Variants in NDST4 observed in about 807,000 individuals in gnomAD.
NDST4 encodes N-heparan sulfate sulfotransferase 4.
In NDST4, 63 loss-of-function variants were observed where a neutral mutation model predicts 100.8. That is an observed-to-expected ratio of 0.62 (90% CI 0.51 to 0.77). The LOEUF is 0.77. NDST4 is among the 30% of genes least tolerant of loss of function. NDST4 has a pLI of 0.00. For synonymous variants in NDST4, 377 were observed against 361.8 expected, an observed-to-expected ratio of 1.04 and a Z score of -0.48; for missense variants, 943 against 1,018.4, an observed-to-expected ratio of 0.93 and a Z score of 1.01.
rs1728519841 is a variant in NDST4, at chr4:115,048,802, TA to T, written c.978+27256del. Among the ~76,000 whole-genome samples the T allele has an allele frequency of 2.0e-5, 3 of 151,982 alleles. 1 individual carries two copies. Among genetic ancestry groups the T allele is most frequent in the Non-Finnish European group, 2.9e-5 (2 of 67,986 alleles). ...ACAGGAAAGTGCCACTGCACCCGGC[TA>T]ATTTTTTGTATTTTTAGTAGAGACG... On this transcript the variant is annotated intron_variant, in intron 2 of 13. Coordinates refer to ENST00000264363, the MANE Select transcript of NDST4 (RefSeq NM_022569.3).
chr4:114,970,175 G>A (rs1726478328), intron 4 of NDST4, among the ~76,000 whole-genome samples: 1 of 147,660 alleles, frequency 6.8e-6, no homozygotes, highest in African/African-American at 2.7e-5. Flanking sequence ...TCGTAAAATA[G>A]GAGTTGAAAG....
intron 2 of NDST4, among the ~76,000 whole-genome samples, chr4:115,025,987 A>G (rs1179199468): frequency 6.6e-6 from 1 of 152,104 alleles, no homozygotes; most frequent in East Asian, 1.9e-4. Flanking sequence ...AACTAGTATT[A>G]TAGTCCTAAA....
intron 6 of NDST4, among the ~76,000 whole-genome samples, chr4:114,886,976 T>G (rs1724493044): frequency 6.6e-6 from 1 of 152,178 alleles, no homozygotes; most frequent in South Asian, 2.1e-4. Context: ...AGTGAATATG[T>G]GGAATTATCT....
chr4:114,873,458 A>G (rs1259586303), intron 6 of NDST4, among the ~76,000 whole-genome samples: 1 of 151,878 alleles, frequency 6.6e-6, no homozygotes, highest in East Asian at 1.9e-4. Flanking sequence ...TATGAAGCTC[A>G]AGTAAAATCA....
intron 1 of NDST4, among the ~76,000 whole-genome samples, chr4:115,095,920 T>G (rs1211785066): frequency 1.3e-5 from 2 of 152,082 alleles, no homozygotes; most frequent in Non-Finnish European, 2.9e-5. Context: ...CTATTTCTTT[T>G]GCTCACTTCA....
chr4:114,905,753 T>C (rs1724936067), intron 6 of NDST4, among the ~76,000 whole-genome samples: 1 of 152,032 alleles, frequency 6.6e-6, no homozygotes, highest in Non-Finnish European at 1.5e-5. Context: ...GTTGGAATAC[T>C]GTTCTTTTTC....
At chr4:115,110,083 G>T (rs777804812) in intron 1 of NDST4, among the ~76,000 whole-genome samples, 60 of 151,960 alleles carry the variant, frequency 3.9e-4, no homozygotes, top group Non-Finnish European at 5.5e-4. Flanking sequence ...ATTTCTGAAA[G>T]AAATTTTAGA....
intron 8 of NDST4, among the ~76,000 whole-genome samples, chr4:114,849,084 T>C (rs916140154): frequency 1.3e-5 from 2 of 152,220 alleles, no homozygotes; most frequent in Admixed American, 1.3e-4. Context: ...AGATGGCTGC[T>C]TCAATGACTT....
intron 6 of NDST4, among the ~76,000 whole-genome samples, chr4:114,883,931 T>C (rs948766479): frequency 6.6e-6 from 1 of 152,096 alleles, no homozygotes; most frequent in Admixed American, 6.6e-5. Flanking sequence ...TTTCAGGTTG[T>C]AATGCTAGCT....
At chr4:114,859,201 G>A (rs185091038) in intron 7 of NDST4, among the ~76,000 whole-genome samples, 1 of 152,296 alleles carries the variant, frequency 6.6e-6, no homozygotes, top group East Asian at 1.9e-4. Flanking sequence ...GAGAGTCAGT[G>A]AGACAAACTA....
At chr4:114,841,576 G>GA (rs564993236) in intron 10 of NDST4, among the ~76,000 whole-genome samples, 2 of 151,782 alleles carry the variant, frequency 1.3e-5, no homozygotes, top group African/African-American at 4.8e-5. Flanking sequence ...AATCTATGTG[G>GA]AAAAAAAAGA....
At chr4:114,859,866 T>C (rs1209561198) in intron 7 of NDST4, among the ~76,000 whole-genome samples, 1 of 152,228 alleles carries the variant, frequency 6.6e-6, no homozygotes, top group Non-Finnish European at 1.5e-5. Context: ...AGGTTTTTCC[T>C]GAAAGCATTT....
intron 5 of NDST4, among the ~76,000 whole-genome samples, chr4:114,936,106 G>A (rs1374731039): frequency 6.6e-6 from 1 of 151,294 alleles, no homozygotes; most frequent in African/African-American, 2.4e-5. Flanking sequence ...TATGTTGAAT[G>A]GTCATTCAAG....
intron 2 of NDST4, among the ~76,000 whole-genome samples, chr4:115,022,989 G>C (rs1000042666): frequency 5.3e-5 from 8 of 152,140 alleles, no homozygotes; most frequent in African/African-American, 1.9e-4. Flanking sequence ...AAAACAGACT[G>C]ATACGCCAAA....
chr4:114,921,611 G>C (rs544970909), intron 6 of NDST4, among the ~76,000 whole-genome samples: 30 of 152,084 alleles, frequency 2.0e-4, no homozygotes, highest in African/African-American at 6.7e-4. Flanking sequence ...TATACTGTTT[G>C]TGTAAAACAG....
intron 6 of NDST4, among the ~76,000 whole-genome samples, chr4:114,918,380 T>C (rs1725218254): frequency 9.2e-6 from 1 of 108,624 alleles, no homozygotes; most frequent in African/African-American, 3.7e-5. Context: ...TATCACACTC[T>C]GGGGACTGTT....
chr4:114,978,246 G>A (rs1367492332), intron 2 of NDST4, among the ~76,000 whole-genome samples: 1 of 151,910 alleles, frequency 6.6e-6, no homozygotes, highest in African/African-American at 2.4e-5. Context: ...CTATCCATCT[G>A]TTATGGAGAC....
At chr4:114,841,782 A>G (rs1267526366) in intron 10 of NDST4, among the ~76,000 whole-genome samples, 1 of 152,214 alleles carries the variant, frequency 6.6e-6, no homozygotes, top group African/African-American at 2.4e-5. Flanking sequence ...CTTGTGGGAA[A>G]TACTGACTCG....
At chr4:115,015,200 T>C (rs1220901167) in intron 2 of NDST4, among the ~76,000 whole-genome samples, 1 of 152,052 alleles carries the variant, frequency 6.6e-6, no homozygotes, top group East Asian at 1.9e-4. Flanking sequence ...ACCATGGACA[T>C]TTCTCTCCCA....
Sources: allele counts gnomAD v4.1 joint callset (sites outside exome capture counted in the v4.1 genomes callset), GRCh38; gene constraint gnomAD v4.1.1; transcripts MANE v1.5; gene names NCBI Gene and HGNC (gene_info 2026-07-23, HGNC 2026-07-21).